Variants in SCRG1 observed in about 807,000 individuals in gnomAD.
The protein encoded by SCRG1 is scrapie-responsive protein 1.
SCRG1 carries 3 observed loss-of-function variants against 7.7 expected under a neutral mutation model. That is an observed-to-expected ratio of 0.39 (90% CI 0.18 to 1.01). The LOEUF (loss-of-function observed/expected upper bound fraction) is 1.01. Among genes scored for constraint, SCRG1 ranks in the 50% least tolerant of loss-of-function variants. The pLI is 0.36. For synonymous variants in SCRG1, 46 were observed against 41.2 expected (o/e 1.12, Z -0.44); for missense variants, 110 against 117.2 (o/e 0.94, Z 0.28).
upstream of SCRG1, among the ~76,000 whole-genome samples, chr4:173,401,878 C>T (rs558548196): frequency 6.4e-4 from 97 of 152,200 alleles, no homozygotes; most frequent in Non-Finnish European, 1.2e-3. Context: ...TGTCATTCAT[C>T]CTGATGTCCA....
intron 1 of SCRG1, among the ~76,000 whole-genome samples, chr4:173,394,699 A>G (rs1043625172): frequency 6.6e-6 from 1 of 152,208 alleles, no homozygotes; most frequent in Admixed American, 6.5e-5. Flanking sequence ...CTTAACTTCA[A>G]TCACATACAA....
upstream of SCRG1, among the ~76,000 whole-genome samples, chr4:173,409,096 C>T (rs1739985418): frequency 6.6e-6 from 1 of 151,426 alleles, no homozygotes; most frequent in African/African-American, 2.4e-5. Context: ...CTAAAAGGTT[C>T]TGAGATTTCT....
the SCRG1 span, among the ~76,000 whole-genome samples, chr4:173,483,235 A>G: frequency 1.2e-4 from 5 of 42,246 alleles, no homozygotes; most frequent in Admixed American, 8.5e-4. Flanking sequence ...TATTATATAT[A>G]ATATATGATA....
At chr4:173,445,918 C>T in the SCRG1 span, among the ~76,000 whole-genome samples, 1 of 152,066 alleles carries the variant, frequency 6.6e-6, no homozygotes, top group Non-Finnish European at 1.5e-5. Context: ...CCCACTTCGG[C>T]CTCTCAAAGC....
chr4:173,496,470 A>G, the SCRG1 span, among the ~76,000 whole-genome samples: 1 of 152,216 alleles, frequency 6.6e-6, no homozygotes, highest in African/African-American at 2.4e-5. Context: ...GAGACTAGAA[A>G]TAAATTCTGT....
chr4:173,412,943 T>TC, the SCRG1 span, among the ~76,000 whole-genome samples: 1 of 152,076 alleles, frequency 6.6e-6, no homozygotes, highest in Non-Finnish European at 1.5e-5. Flanking sequence ...ATACTCAATT[T>TC]CCCCCATCTG....
At chr4:173,485,030 T>A in the SCRG1 span, among the ~76,000 whole-genome samples, 123 of 18,998 alleles carry the variant, frequency 6.5e-3, 13 homozygotes, top group African/African-American at 0.031. Flanking sequence ...TATAATATAT[T>A]ATATATTATA....
chr4:173,392,375 T>A (rs919260564), intron 1 of SCRG1, among the ~76,000 whole-genome samples: 1 of 152,218 alleles, frequency 6.6e-6, no homozygotes, highest in Non-Finnish European at 1.5e-5. Flanking sequence ...TAGCCTTCCA[T>A]GAACTCCTAC....
At chr4:173,506,110 T>C in the SCRG1 span, among the ~76,000 whole-genome samples, 10 of 152,290 alleles carry the variant, frequency 6.6e-5, no homozygotes, top group African/African-American at 2.4e-4. The surrounding 1 kb of genome is among the most constrained non-coding windows in gnomAD (Gnocchi z 5.3). Context: ...TCTCAAACCC[T>C]GGTGTGGTGA....
the SCRG1 span, among the ~76,000 whole-genome samples, chr4:173,423,523 A>G: frequency 7.3e-4 from 111 of 152,332 alleles, no homozygotes; most frequent in African/African-American, 2.6e-3. Context: ...GTTAAAATGA[A>G]GGTAATCTGG....
At chr4:173,479,435 G>T in the SCRG1 span, among the ~76,000 whole-genome samples, 135 of 125,926 alleles carry the variant, frequency 1.1e-3, no homozygotes, top group East Asian at 5.1e-3. Context: ...TTGTTTGTTT[G>T]TTTTTTTGTT....
chr4:173,399,124 A>AC (rs1739683389), upstream of SCRG1: 1 of 152,148 alleles, frequency 6.6e-6, no homozygotes. Context: ...GCTCACACTC[A>AC]CTGGGTGAGT....
At chr4:173,452,073 G>T in the SCRG1 span, among the ~76,000 whole-genome samples, 14 of 151,832 alleles carry the variant, frequency 9.2e-5, no homozygotes, top group Non-Finnish European at 1.8e-4. Flanking sequence ...TCTAAGTGTT[G>T]ATTGTCACCA....
the SCRG1 span, among the ~76,000 whole-genome samples, chr4:173,501,009 A>T: frequency 2.6e-5 from 4 of 152,326 alleles, no homozygotes; most frequent in African/African-American, 9.6e-5. The surrounding 1 kb of genome is among the most constrained non-coding windows in gnomAD (Gnocchi z 5.1). Context: ...GGAAACCCAG[A>T]GGCGGGAGGC....
At chr4:173,461,875 T>TAA in the SCRG1 span, among the ~76,000 whole-genome samples, 31 of 150,522 alleles carry the variant, frequency 2.1e-4, no homozygotes, top group African/African-American at 3.9e-4. Context: ...TTGAAATAAT[T>TAA]AAAAAAAAAG....
the SCRG1 span, among the ~76,000 whole-genome samples, chr4:173,429,483 G>A: frequency 6.6e-6 from 1 of 152,036 alleles, no homozygotes; most frequent in African/African-American, 2.4e-5. Flanking sequence ...TTTATGTAGA[G>A]ACAGGGTCTT....
At chr4:173,441,118 T>C in the SCRG1 span, among the ~76,000 whole-genome samples, 205 of 152,266 alleles carry the variant, frequency 1.3e-3, 1 homozygote, top group African/African-American at 4.6e-3. Flanking sequence ...GTCAGAAAGA[T>C]GATCAAAGGA....
At chr4:173,402,998 C>T (rs1447542097), upstream of SCRG1, 6 of 152,114 alleles carry the variant, frequency 3.9e-5, no homozygotes, top group African/African-American at 4.8e-5. Context: ...TATTTTTGAA[C>T]TCAGTAAAAG....
chr4:173,453,279 T>G, the SCRG1 span, among the ~76,000 whole-genome samples: 1 of 152,342 alleles, frequency 6.6e-6, no homozygotes, highest in South Asian at 2.1e-4. Flanking sequence ...CTTGTAATCA[T>G]AGTTCAGAAT....
Sources: gnomAD v4.1 joint callset for allele counts (sites outside exome capture counted in the v4.1 genomes callset) on GRCh38, gnomAD v4.1.1 for gene constraint, Gnocchi (gnomAD v3.1) non-coding constraint, MANE v1.5 for transcripts, NCBI Gene and HGNC (gene_info 2026-07-23, HGNC 2026-07-21) for gene names.